The following ZFAT variants were observed in gnomAD, a reference collection of about 807,000 sequenced individuals.
ZFAT encodes the protein zinc finger and AT-hook domain containing.
In ZFAT, 64 loss-of-function variants were observed where a neutral mutation model predicts 117.7. That is an observed-to-expected ratio of 0.54 (90% CI 0.44 to 0.67). The LOEUF (loss-of-function observed/expected upper bound fraction) is 0.67, where lower values mean the gene tolerates loss of function less well. ZFAT is among the 30% of genes least tolerant of loss of function. The probability of loss-of-function intolerance (pLI) is 0.00; values close to 1 mark genes in which losing one functional copy is unlikely to be tolerated. For synonymous variants in ZFAT, 679 were observed against 615.0 expected (o/e 1.10, Z -1.54); for missense variants, 1,433 against 1,584.5 (o/e 0.90, Z 1.62).
the ZFAT span, among the ~76,000 whole-genome samples, chr8:134,746,888 G>A: frequency 4.6e-5 from 7 of 152,106 alleles, no homozygotes; most frequent in East Asian, 1.9e-4. Flanking sequence ...ATATGTCTGC[G>A]ACATTCCCTT....
chr8:134,678,018 T>C (rs2131288562), intron 1 of ZFAT, among the ~76,000 whole-genome samples: 1 of 152,296 alleles, frequency 6.6e-6, no homozygotes, highest in Admixed American at 6.5e-5. Flanking sequence ...ACTGGAAGCA[T>C]TCCCTTTGAA....
the ZFAT span, chr8:134,783,663 C>G: frequency 6.6e-6 from 1 of 152,180 alleles, no homozygotes; most frequent in African/African-American, 2.4e-5. Context: ...AGACCACTGT[C>G]CAGTTCAATG....
intron 3 of ZFAT, among the ~76,000 whole-genome samples, chr8:134,620,674 G>T (rs1468176081): frequency 6.6e-6 from 1 of 152,228 alleles, no homozygotes; most frequent in African/African-American, 2.4e-5. Flanking sequence ...GTAGGATACA[G>T]CGCAGGGCCA....
intron 3 of ZFAT, among the ~76,000 whole-genome samples, chr8:134,612,175 C>T (rs1828383477): frequency 6.6e-6 from 1 of 152,220 alleles, no homozygotes; most frequent in Non-Finnish European, 1.5e-5. Flanking sequence ...ATGACAAATG[C>T]ACAGGGAACA....
chr8:134,478,161 G>A lies in ZFAT; in HGVS notation c.*321C>T, dbSNP rs1463352741. ...CAGGGAAGATGCTGAGGGGGACTGG[G>A]AGTCTCTGTTTGAATCTTGAAGCAA... On this transcript the variant is annotated 3_prime_UTR_variant, in exon 16 of 16. Coordinates refer to ENST00000377838, the MANE Select transcript of ZFAT (RefSeq NM_020863.4). This position sits in a 1 kb window ranked among gnomAD's most constrained non-coding sequence, Gnocchi z 5.2. 1 of 347,524 alleles carries A rather than the reference G, an allele frequency of 2.9e-6. No homozygotes were observed. Among genetic ancestry groups the A allele is most frequent in the African/African-American group, 2.0e-5 (1 of 49,204 alleles). 21.5% of individuals were successfully genotyped at this position (347,524 alleles called of 1,614,324 possible). A position where few individuals can be genotyped will look rare whatever the true frequency, so the allele number is the denominator to read the frequency against.
At chr8:134,701,144 C>G (rs552499976) in intron 1 of ZFAT, among the ~76,000 whole-genome samples, 1 of 152,150 alleles carries the variant, frequency 6.6e-6, no homozygotes, top group African/African-American at 2.4e-5. Flanking sequence ...CTTACAAAAC[C>G]GAAACTCTAT....
chr8:134,826,248 C>T, the ZFAT span, among the ~76,000 whole-genome samples: 1 of 152,144 alleles, frequency 6.6e-6, no homozygotes, highest in African/African-American at 2.4e-5. Flanking sequence ...AATTACATCA[C>T]CTGCTCCAAC....
At chr8:134,767,164 T>C in the ZFAT span, 6 of 152,242 alleles carry the variant, frequency 3.9e-5, no homozygotes, top group African/African-American at 1.4e-4. Context: ...TTTATAAATA[T>C]TCAATGTGTG....
chr8:134,555,005 A>T (rs1823456719), intron 11 of ZFAT, among the ~76,000 whole-genome samples: 1 of 152,220 alleles, frequency 6.6e-6, no homozygotes, highest in African/African-American at 2.4e-5. Context: ...TCAATGACTC[A>T]CTGAGAAGAC....
intron 1 of ZFAT, among the ~76,000 whole-genome samples, chr8:134,700,600 C>T (rs959587308): frequency 3.3e-5 from 5 of 152,216 alleles, no homozygotes; most frequent in African/African-American, 4.8e-5. Context: ...AGTTCACTGT[C>T]GGACTCCGGG....
At chr8:134,497,988 C>T (rs80180718) in intron 15 of ZFAT, among the ~76,000 whole-genome samples, 6,378 of 97,008 alleles carry the variant, frequency 0.066, no homozygotes, top group East Asian at 0.17. Flanking sequence ...AGGATGCCCC[C>T]GCTGCTGGTT....
the ZFAT span, among the ~76,000 whole-genome samples, chr8:134,749,172 T>C: frequency 6.6e-6 from 1 of 152,204 alleles, no homozygotes; most frequent in Non-Finnish European, 1.5e-5. Context: ...ACTTTTCCTT[T>C]GTGTTTAGTG....
chr8:134,573,278 C>T lies in ZFAT; in HGVS notation c.2888-7857G>A, dbSNP rs144304269. 7.5e-3 allele frequency among the ~76,000 whole-genome samples: 1,139 copies of T among 151,912 alleles called. 16 individuals carry two copies. The highest frequency in any genetic ancestry group is 0.025 in the African/African-American group (1,031 of 41,348). On this transcript the variant is annotated intron_variant, in intron 10 of 15. Transcript: ENST00000377838. Reference sequence around the variant, plus strand: ...TGTGTGTGTGCCGTGTGTGTGTGTACGTGTTACTTTAATTTAAAAAACGTA... The same window carrying T: ...TGTGTGTGTGCCGTGTGTGTGTGTATGTGTTACTTTAATTTAAAAAACGTA...
rs1001876524 is a variant in ZFAT, at chr8:134,601,756, C to A, written c.1963G>T (p.Gly655Trp). Residue 655 changes from glycine to tryptophan, a missense_variant, in exon 6 of 16, where the codon GGG becomes TGG. This residue lies in a region of ZFAT where 372 missense variants were observed against 355.6 expected (regional missense o/e 1.05). Coordinates refer to ENST00000377838, the MANE Select transcript of ZFAT (RefSeq NM_020863.4). ...AGCACAGCCATGTTCTGCCCTTCCC[C>A]TAGGGGGCTCTGGGCGCCATGGCTT... ...QESHGAQSPL[G>W]EGQNMAVLSA... The A allele has an allele frequency of 1.9e-6, 3 of 1,613,634 alleles. No homozygotes were observed. The African/African-American group carries it at 4.0e-5, about 22-fold the overall frequency.
intron 1 of ZFAT, 109 bp downstream of exon 1, chr8:134,712,736 G>C: frequency 1.8e-6 from 2 of 1,103,084 alleles, no homozygotes; most frequent in Non-Finnish European, 2.4e-6. Flanking sequence ...GCGGCCGGCG[G>C]CCGGCGGCCG....
the ZFAT span, among the ~76,000 whole-genome samples, chr8:134,789,889 C>T: frequency 6.6e-6 from 1 of 152,170 alleles, no homozygotes; most frequent in Non-Finnish European, 1.5e-5. Context: ...CCAGTATACA[C>T]AGTGTGGTAC....
intron 1 of ZFAT, among the ~76,000 whole-genome samples, chr8:134,674,331 C>T (rs1351383134): frequency 6.6e-6 from 1 of 152,196 alleles, no homozygotes; most frequent in East Asian, 1.9e-4. Context: ...TAGAGCCTAG[C>T]AAGCTAAGAT....
intron 3 of ZFAT, among the ~76,000 whole-genome samples, chr8:134,617,923 T>C: frequency 6.6e-6 from 1 of 151,892 alleles, no homozygotes; most frequent in Middle Eastern, 3.2e-3. Context: ...CAGGGGGAGG[T>C]AACTGAATCA....
At chr8:134,641,417 G>A (rs1403797908) in intron 2 of ZFAT, among the ~76,000 whole-genome samples, 1 of 152,128 alleles carries the variant, frequency 6.6e-6, no homozygotes, top group Non-Finnish European at 1.5e-5. Flanking sequence ...CAGAGACCAA[G>A]CCCCAGTTCA....
Sources: gnomAD v4.1 joint callset for allele counts (sites outside exome capture counted in the v4.1 genomes callset) on GRCh38, gnomAD v4.1.1 for gene constraint, gnomAD v4.1.1 regional missense constraint, Gnocchi (gnomAD v3.1) non-coding constraint, MANE v1.5 for transcripts, NCBI Gene and HGNC (gene_info 2026-07-23, HGNC 2026-07-21) for gene names.